The following PCSK2 variants were observed in gnomAD, a reference collection of about 807,000 sequenced individuals.
PCSK2 encodes the protein proprotein convertase subtilisin/kexin type 2, also known as neuroendocrine convertase 2.
In PCSK2, 14 loss-of-function variants were observed where a neutral mutation model predicts 69.7. That is an observed-to-expected ratio of 0.20 (90% CI 0.13 to 0.31). The LOEUF is 0.31. Ranked by LOEUF, PCSK2 falls within the 10% of genes least tolerant of loss-of-function variation. PCSK2 has a pLI of 1.00. For synonymous variants in PCSK2, 307 were observed against 320.7 expected, an observed-to-expected ratio of 0.96 and a Z score of 0.46; for missense variants, 544 against 842.5, an observed-to-expected ratio of 0.65 and a Z score of 4.39.
At chr20:17,316,871 A>G (rs531348383) in intron 2 of PCSK2, among the ~76,000 whole-genome samples, 1 of 152,346 alleles carries the variant, frequency 6.6e-6, no homozygotes, top group East Asian at 1.9e-4. Flanking sequence ...TTCCCGTGAC[A>G]TAAGTAATTC....
Position 17,453,802 on chromosome 20 carries a change from G to A in PCSK2, c.946G>A (p.Asp316Asn). 6.2e-7 allele frequency: 1 copy of A among 1,614,136 alleles called. No individual in the cohort carries two copies. Among genetic ancestry groups the A allele is most frequent in the Middle Eastern group, 1.6e-4 (1 of 6,062 alleles). Residue 316 changes from aspartate (D) to asparagine (N), a missense_variant, in exon 9 of 12, where the codon GAC (aspartate) becomes AAC (asparagine). Coordinates refer to ENST00000262545, the MANE Select transcript of PCSK2 (RefSeq NM_002594.5). The surrounding 1 kb of genome is among the most constrained non-coding windows in gnomAD (Gnocchi z 4.0). ...CTCCGGGGACGGCGGCAGCTATGACGACTGCAACTGCGACGGCTACGCCTC... is the reference window on the plus strand; with the variant it reads ...CTCCGGGGACGGCGGCAGCTATGACAACTGCAACTGCGACGGCTACGCCTC... ...WASGDGGSYDDCNCDGYASSM... is the reference protein window; with the variant it reads ...WASGDGGSYDNCNCDGYASSM...
chr20:17,429,393 C>T (rs372148176), intron 6 of PCSK2, 42 bp from the exon 7 acceptor site: 10 of 1,466,756 alleles, frequency 6.8e-6, no homozygotes, highest in Non-Finnish European at 8.6e-6. Flanking sequence ...TAGCCAAATT[C>T]GTTTCACTGC....
At chr20:17,240,513 A>G (rs553589959) in intron 1 of PCSK2, among the ~76,000 whole-genome samples, 12 of 152,284 alleles carry the variant, frequency 7.9e-5, no homozygotes, top group Admixed American at 7.2e-4. Flanking sequence ...GGTGCCTGAA[A>G]GACATTGGCA....
intron 5 of PCSK2, among the ~76,000 whole-genome samples, chr20:17,387,161 G>T (rs2031258102): frequency 6.6e-6 from 1 of 152,128 alleles, no homozygotes; most frequent in Admixed American, 6.6e-5. Flanking sequence ...TGTACACGTT[G>T]TACATTCCTG....
intron 2 of PCSK2, among the ~76,000 whole-genome samples, chr20:17,288,739 G>A (rs1988601245): frequency 6.6e-6 from 1 of 152,218 alleles, no homozygotes; most frequent in Non-Finnish European, 1.5e-5. Context: ...GCAACCCACA[G>A]ACAGCAGTGT....
At chr20:17,421,883 T>C (rs1384062205) in intron 6 of PCSK2, among the ~76,000 whole-genome samples, 1 of 145,210 alleles carries the variant, frequency 6.9e-6, no homozygotes. Context: ...AAATCCACTA[T>C]TCCAAAATGC....
chr20:17,459,688 G>C (rs774710772), intron 10 of PCSK2, among the ~76,000 whole-genome samples: 3 of 152,114 alleles, frequency 2.0e-5, no homozygotes, highest in Non-Finnish European at 4.4e-5. Flanking sequence ...GAGCACACTG[G>C]GTAAAGTTTT....
intron 2 of PCSK2, among the ~76,000 whole-genome samples, chr20:17,312,446 A>G (rs1477477854): frequency 2.0e-5 from 3 of 152,168 alleles, no homozygotes; most frequent in Admixed American, 1.3e-4. Context: ...CCATGTATCA[A>G]TTCTATGAAG....
chr20:17,390,430 C>A (rs576297768), intron 5 of PCSK2, among the ~76,000 whole-genome samples: 122 of 152,278 alleles, frequency 8.0e-4, no homozygotes, highest in African/African-American at 2.8e-3. Context: ...TGATTTAAAG[C>A]ACAACCTATA....
intron 5 of PCSK2, among the ~76,000 whole-genome samples, chr20:17,403,901 G>A (rs1281810991): frequency 2.6e-5 from 4 of 152,190 alleles, no homozygotes; most frequent in East Asian, 1.9e-4. Flanking sequence ...CTTGTGCTTC[G>A]TGGACATGCT....
intron 2 of PCSK2, among the ~76,000 whole-genome samples, chr20:17,287,877 A>G (rs1208636773): frequency 6.6e-6 from 1 of 151,950 alleles, no homozygotes; most frequent in African/African-American, 2.4e-5. Flanking sequence ...AGATAGCTTT[A>G]CTCTGGTGGC....
chr20:17,339,466 GATTT>G (rs139976536), intron 2 of PCSK2, among the ~76,000 whole-genome samples: 58,647 of 151,656 alleles, frequency 0.39, 12,378 homozygotes, highest in African/African-American at 0.55. Context: ...AGCCCATGTT[GATTT>G]TTTTATTCCT....
chr20:17,245,592 C>A (rs1287039343), intron 1 of PCSK2, among the ~76,000 whole-genome samples: 4 of 152,044 alleles, frequency 2.6e-5, no homozygotes, highest in Non-Finnish European at 4.4e-5. Flanking sequence ...GACTACAGAC[C>A]AAAGTAACAG....
intron 2 of PCSK2, among the ~76,000 whole-genome samples, chr20:17,300,122 C>A (rs1015776): frequency 0.89 from 135,950 of 152,252 alleles, 60,819 homozygotes; most frequent in East Asian, 0.95. Context: ...ACCCAGGGGA[C>A]AGTGTCAGAG....
At chr20:17,475,087 T>C (rs1367401889) in intron 11 of PCSK2, among the ~76,000 whole-genome samples, 2 of 151,134 alleles carry the variant, frequency 1.3e-5, no homozygotes, top group African/African-American at 4.9e-5. Context: ...AGTGAGGGAT[T>C]TGGGAGGGGC....
At chr20:17,399,784 G>A (rs528417611) in intron 5 of PCSK2, among the ~76,000 whole-genome samples, 58 of 152,318 alleles carry the variant, frequency 3.8e-4, no homozygotes, top group African/African-American at 1.3e-3. Context: ...GGGGCCACCA[G>A]GTAGTGTTGA....
intron 11 of PCSK2, among the ~76,000 whole-genome samples, chr20:17,474,685 A>G (rs569344837): frequency 6.6e-6 from 1 of 152,184 alleles, no homozygotes; most frequent in Admixed American, 6.5e-5. Context: ...ACAGACAGGA[A>G]CACACCGGCC....
chr20:17,317,619 C>A (rs530982055), intron 2 of PCSK2, among the ~76,000 whole-genome samples: 1 of 152,302 alleles, frequency 6.6e-6, no homozygotes, highest in South Asian at 2.1e-4. Flanking sequence ...CTCCCCCAAT[C>A]CCTCCAGCAT....
chr20:17,458,498 C>A (rs1406319828), intron 10 of PCSK2, among the ~76,000 whole-genome samples: 1 of 152,150 alleles, frequency 6.6e-6, no homozygotes, highest in East Asian at 1.9e-4. Flanking sequence ...TAGCTTTAGG[C>A]AAAGCGGCTC....
Sources: allele counts gnomAD v4.1 joint callset (sites outside exome capture counted in the v4.1 genomes callset), GRCh38; gene constraint gnomAD v4.1.1; non-coding constraint Gnocchi (gnomAD v3.1); transcripts MANE v1.5; gene names NCBI Gene and HGNC (gene_info 2026-07-23, HGNC 2026-07-21).